UBE2E2: variants seen among roughly 807,000 people sequenced by gnomAD.
UBE2E2 encodes the protein ubiquitin-conjugating enzyme E2 E2.
UBE2E2 carries 6 observed loss-of-function variants against 24.7 expected under a neutral mutation model. That is an observed-to-expected ratio of 0.24 (90% CI 0.13 to 0.48). The LOEUF (loss-of-function observed/expected upper bound fraction) is 0.48. UBE2E2 is among the 20% of genes least tolerant of loss of function. The probability of loss-of-function intolerance (pLI) is 0.99; values close to 1 mark genes in which losing one functional copy is unlikely to be tolerated. For missense variants in UBE2E2, 169 were observed against 245.0 expected (o/e 0.69, Z 2.07); for synonymous variants, 104 against 83.6 (o/e 1.24, Z -1.33).
intron 5 of UBE2E2, among the ~76,000 whole-genome samples, chr3:23,538,524 A>C (rs1241047859): frequency 6.6e-6 from 1 of 152,180 alleles, no homozygotes; most frequent in Non-Finnish European, 1.5e-5. Context: ...CAAAACGTTT[A>C]TTAAAGCCTT....
At chr3:23,243,064 C>T (rs1009246089) in intron 3 of UBE2E2, among the ~76,000 whole-genome samples, 4 of 147,780 alleles carry the variant, frequency 2.7e-5, no homozygotes, top group East Asian at 2.0e-4. Context: ...CCAGCCTGGG[C>T]GACAGAGTGA....
intron 5 of UBE2E2, among the ~76,000 whole-genome samples, chr3:23,540,563 C>T (rs1695374261): frequency 6.6e-6 from 1 of 152,098 alleles, no homozygotes; most frequent in Admixed American, 6.6e-5. Context: ...CACCACCACG[C>T]CCAGCTAATT....
chr3:23,478,896 A>ATATATATATATATATATATATATTTTT (rs1192241310), intron 3 of UBE2E2, among the ~76,000 whole-genome samples: 1 of 120,448 alleles, frequency 8.3e-6, no homozygotes, highest in African/African-American at 2.7e-5. Context: ...ATATATATAT[A>ATATATATATATATATATATATATTTTT]TTTTTTTTTT....
rs1398879374 is a variant in UBE2E2, at chr3:23,280,490, T to C, written c.227+63178T>C. 6.6e-6 allele frequency among the ~76,000 whole-genome samples: 1 copy of C among 152,196 alleles called. No individual in the cohort carries two copies. The highest frequency in any genetic ancestry group is 1.5e-5 in the Non-Finnish European group (1 of 68,026). ...GTGGCCACACAATCTTTTTGGTCCTTCTTTGTTCACATTTTGCCTTCTTTT... is the reference window on the plus strand; with the variant it reads ...GTGGCCACACAATCTTTTTGGTCCTCCTTTGTTCACATTTTGCCTTCTTTT... On this transcript the variant is annotated intron_variant, in intron 3 of 5. Coordinates refer to ENST00000396703, the MANE Select transcript of UBE2E2 (RefSeq NM_152653.4). The surrounding 1 kb of genome is among the most constrained non-coding windows in gnomAD (Gnocchi z 4.3).
intron 4 of UBE2E2, among the ~76,000 whole-genome samples, chr3:23,513,888 C>T (rs6798328): frequency 0.53 from 80,727 of 151,842 alleles, 21,994 homozygotes; most frequent in East Asian, 0.73. Flanking sequence ...GAAGAGTTTC[C>T]ATATAGAAAC....
At chr3:23,308,902 C>A (rs1699304457) in intron 3 of UBE2E2, among the ~76,000 whole-genome samples, 1 of 152,168 alleles carries the variant, frequency 6.6e-6, no homozygotes, top group Non-Finnish European at 1.5e-5. Flanking sequence ...CCCCAAGAGG[C>A]TGCTGGTACA....
At chr3:23,320,067 C>T (rs909792708) in intron 3 of UBE2E2, among the ~76,000 whole-genome samples, 1 of 152,116 alleles carries the variant, frequency 6.6e-6, no homozygotes, top group Non-Finnish European at 1.5e-5. Flanking sequence ...GTCTCCTGCC[C>T]ATGGGAAAGC....
chr3:23,248,058 T>C (rs1697461691), intron 3 of UBE2E2, among the ~76,000 whole-genome samples: 1 of 152,266 alleles, frequency 6.6e-6, no homozygotes, highest in Non-Finnish European at 1.5e-5. Context: ...CCAATTCTAA[T>C]CAATTTCGTC....
intron 3 of UBE2E2, among the ~76,000 whole-genome samples, chr3:23,363,284 A>G (rs1244122341): frequency 6.6e-6 from 1 of 152,252 alleles, no homozygotes; most frequent in African/African-American, 2.4e-5. Flanking sequence ...TGATGAAATC[A>G]GACCTGCATA....
intron 3 of UBE2E2, among the ~76,000 whole-genome samples, chr3:23,271,327 GGCTTCAGGAGTGAA>G (rs1416720623): frequency 6.6e-6 from 1 of 152,152 alleles, no homozygotes; most frequent in Non-Finnish European, 1.5e-5. Flanking sequence ...TGGTCTTGCT[GGCTTCAGGAGTGAA>G]GCTACAGACC....
chr3:23,289,339 A>C (rs529037048), intron 3 of UBE2E2, among the ~76,000 whole-genome samples: 3 of 152,332 alleles, frequency 2.0e-5, no homozygotes, highest in Admixed American at 6.5e-5. Flanking sequence ...GAAATCTTTT[A>C]TACTTTAAAG....
At chr3:23,276,875 G>C (rs1280651169) in intron 3 of UBE2E2, among the ~76,000 whole-genome samples, 1 of 151,994 alleles carries the variant, frequency 6.6e-6, no homozygotes, top group Non-Finnish European at 1.5e-5. Context: ...ATTTTTCATA[G>C]TATTAATATT....
At chr3:23,366,684 G>A (rs1323231544) in intron 3 of UBE2E2, among the ~76,000 whole-genome samples, 1 of 151,952 alleles carries the variant, frequency 6.6e-6, no homozygotes, top group African/African-American at 2.4e-5. Context: ...TTACCTGGGT[G>A]ACAAAATAAT....
At chr3:23,340,211 C>G (rs1385663735) in intron 3 of UBE2E2, among the ~76,000 whole-genome samples, 1 of 152,024 alleles carries the variant, frequency 6.6e-6, no homozygotes, top group Admixed American at 6.6e-5. Flanking sequence ...AGAGCCATTA[C>G]TCTTTAAAAT....
chr3:23,273,544 AGAG>A (rs987107577), intron 3 of UBE2E2, among the ~76,000 whole-genome samples: 4 of 143,870 alleles, frequency 2.8e-5, no homozygotes, highest in South Asian at 2.3e-4. Flanking sequence ...AAAAAAAAAA[AGAG>A]AGAGAAATGA....
intron 5 of UBE2E2, among the ~76,000 whole-genome samples, chr3:23,568,630 TG>T (rs1696140429): frequency 6.8e-6 from 1 of 146,860 alleles, no homozygotes; most frequent in African/African-American, 2.5e-5. Flanking sequence ...CATATATATA[TG>T]TATACATATA....
intron 3 of UBE2E2, among the ~76,000 whole-genome samples, chr3:23,363,702 G>C (rs952930049): frequency 3.1e-4 from 47 of 152,162 alleles, no homozygotes; most frequent in African/African-American, 1.1e-3. Flanking sequence ...AGTAGTGAGA[G>C]AGTTCAACAA....
chr3:23,568,145 G>T lies in UBE2E2; in HGVS notation c.509-21589G>T, dbSNP rs529280600. ...AATGGTCTATAAACTGAAACCACTG[G>T]GTTATTTTTATTTCTTGGCTCAAGT... On this transcript the variant is annotated intron_variant, in intron 5 of 5. Transcript: ENST00000396703. Among the ~76,000 whole-genome samples, 7 of 152,224 alleles carry T rather than the reference G, an allele frequency of 4.6e-5. No individual in the cohort carries two copies. The East Asian group carries it at 1.4e-3, about 29-fold the overall frequency.
rs1179059631 is a variant in UBE2E2 at position 23,266,309 on chromosome 3, G to A, written c.227+48997G>A. On this transcript the variant is annotated intron_variant, in intron 3 of 5. Coordinates refer to ENST00000396703, the MANE Select transcript of UBE2E2 (RefSeq NM_152653.4). Reference sequence around the variant, plus strand: ...CCAGTTGTTCCTTTCCATGTTTAGCGCTTCCTTCAGGAGCTCTTTTAGGGC... The same window carrying A: ...CCAGTTGTTCCTTTCCATGTTTAGCACTTCCTTCAGGAGCTCTTTTAGGGC... 1.2e-4 allele frequency among the ~76,000 whole-genome samples: 18 copies of A among 152,178 alleles called. No individual in the cohort carries two copies. The East Asian group carries it at 2.3e-3, about 20-fold the overall frequency.
Sources: gnomAD v4.1 joint callset for allele counts (sites outside exome capture counted in the v4.1 genomes callset) on GRCh38, gnomAD v4.1.1 for gene constraint, Gnocchi (gnomAD v3.1) non-coding constraint, MANE v1.5 for transcripts, NCBI Gene and HGNC (gene_info 2026-07-23, HGNC 2026-07-21) for gene names.